SPATA31H1: variants seen among roughly 807,000 people sequenced by gnomAD.
SPATA31H1 encodes the protein SPATA31 subfamily H member 1.
At chr2:27,575,775 C>T in the SPATA31H1 span, 56 of 398,406 alleles carry the variant, frequency 1.4e-4, no homozygotes, top group Non-Finnish European at 2.2e-4. The surrounding 1 kb of genome is among the most constrained non-coding windows in gnomAD (Gnocchi z 4.1). Context: ...CATCCCTGGG[C>T]CACATTTGCA....
the SPATA31H1 span, chr2:27,580,292 T>C: frequency 1.9e-6 from 3 of 1,614,178 alleles, no homozygotes; most frequent in East Asian, 2.2e-5. Flanking sequence ...GCAGCAGGCC[T>C]GACTTAGTAG....
At chr2:27,561,606 T>G in the SPATA31H1 span, among the ~76,000 whole-genome samples, 2 of 152,236 alleles carry the variant, frequency 1.3e-5, no homozygotes, top group Non-Finnish European at 2.9e-5. Flanking sequence ...GTCTTACATT[T>G]CACATTTTAG....
At chr2:27,582,040 G>C in the SPATA31H1 span, 1 of 1,613,786 alleles carries the variant, frequency 6.2e-7, no homozygotes, top group Non-Finnish European at 8.5e-7. Context: ...AGGAGCCATC[G>C]CAGTCCCTCT....
chr2:27,580,443 A>C, the SPATA31H1 span: 1 of 1,614,208 alleles, frequency 6.2e-7, no homozygotes, highest in African/African-American at 1.3e-5. Flanking sequence ...ATATCCAATG[A>C]AGAGAATCAC....
chr2:27,582,267 A>G, the SPATA31H1 span: 3 of 1,614,102 alleles, frequency 1.9e-6, no homozygotes, highest in Non-Finnish European at 2.5e-6. Flanking sequence ...GACCTCTGAG[A>G]GGAGCCATCG....
the SPATA31H1 span, chr2:27,579,727 C>CCCAG: frequency 6.2e-7 from 1 of 1,614,016 alleles, no homozygotes. Context: ...AGTGAGGACT[C>CCCAG]ACAGAGTGAT....
chr2:27,560,558 C>T, the SPATA31H1 span, among the ~76,000 whole-genome samples: 18 of 151,252 alleles, frequency 1.2e-4, no homozygotes, highest in Middle Eastern at 3.4e-3. Context: ...CCCGGGTTCA[C>T]GCCATTCTCC....
At chr2:27,552,808 AAATT>A in the SPATA31H1 span, among the ~76,000 whole-genome samples, 1 of 152,046 alleles carries the variant, frequency 6.6e-6, no homozygotes. Context: ...GTCCTTGATT[AAATT>A]TATTCCTGAG....
the SPATA31H1 span, among the ~76,000 whole-genome samples, chr2:27,562,966 C>T: frequency 1.3e-5 from 2 of 151,500 alleles, no homozygotes; most frequent in African/African-American, 4.8e-5. Flanking sequence ...ACTATCTCTC[C>T]ATTTATTCAG....
At chr2:27,549,685 T>G in the SPATA31H1 span, among the ~76,000 whole-genome samples, 11 of 151,810 alleles carry the variant, frequency 7.2e-5, no homozygotes, top group Non-Finnish European at 8.8e-5. Context: ...ATGGCATGCC[T>G]GTAGTCTCAG....
At chr2:27,576,739 A>G in the SPATA31H1 span, 12 of 1,613,964 alleles carry the variant, frequency 7.4e-6, no homozygotes, top group Non-Finnish European at 9.3e-6. Flanking sequence ...CCAGAATCAC[A>G]GCAACAGGAT....
chr2:27,573,207 T>C, the SPATA31H1 span: 3 of 398,148 alleles, frequency 7.5e-6, no homozygotes, highest in Non-Finnish European at 1.3e-5. Context: ...ACAGTTGCAA[T>C]GTGTGAAAAC....
At chr2:27,577,956 G>C in the SPATA31H1 span, 1 of 1,614,140 alleles carries the variant, frequency 6.2e-7, no homozygotes, top group Non-Finnish European at 8.5e-7. The surrounding 1 kb of genome is among the most constrained non-coding windows in gnomAD (Gnocchi z 4.5). Context: ...GAAATCTCCA[G>C]GGACAACCCC....
chr2:27,550,156 T>C, the SPATA31H1 span, among the ~76,000 whole-genome samples: 1 of 151,948 alleles, frequency 6.6e-6, no homozygotes. Flanking sequence ...ACCTTTTCTT[T>C]TTCTTGTATT....
chr2:27,575,991 C>A, the SPATA31H1 span: 1,125 of 398,726 alleles, frequency 2.8e-3, 6 homozygotes, highest in African/African-American at 0.021. The surrounding 1 kb of genome is among the most constrained non-coding windows in gnomAD (Gnocchi z 4.1). Context: ...ACCACATTTG[C>A]AAGGTTTAAA....
the SPATA31H1 span, chr2:27,565,382 C>T: frequency 1.4e-6 from 1 of 717,304 alleles, no homozygotes; most frequent in Non-Finnish European, 2.6e-6. Flanking sequence ...ATTAACAGGT[C>T]AGAGAGATCC....
the SPATA31H1 span, chr2:27,579,164 C>T: frequency 1.2e-5 from 19 of 1,614,072 alleles, no homozygotes; most frequent in South Asian, 7.7e-5. Flanking sequence ...AAGGTCTCAT[C>T]AAGTCTTTCC....
At chr2:27,572,152 T>C in the SPATA31H1 span, 2 of 398,358 alleles carry the variant, frequency 5.0e-6, no homozygotes, top group Non-Finnish European at 8.9e-6. Context: ...GAATCAAATA[T>C]GCAAGATGTA....
chr2:27,549,847 G>C, the SPATA31H1 span, among the ~76,000 whole-genome samples: 1 of 151,870 alleles, frequency 6.6e-6, no homozygotes, highest in East Asian at 1.9e-4. Flanking sequence ...TGTGGAGATG[G>C]GGTCTCACTA....
Sources: allele counts gnomAD v4.1 joint callset (sites outside exome capture counted in the v4.1 genomes callset), GRCh38; gene constraint gnomAD v4.1.1; non-coding constraint Gnocchi (gnomAD v3.1); transcripts MANE v1.5; gene names NCBI Gene and HGNC (gene_info 2026-07-23, HGNC 2026-07-21).